CDKAL1: variants seen among roughly 807,000 people sequenced by gnomAD.
CDKAL1 encodes the protein CDKAL1 threonylcarbamoyladenosine tRNA methylthiotransferase.
A neutral mutation model predicts 68.2 loss-of-function variants in CDKAL1; 32 were observed. The observed-to-expected ratio is 0.47, with a 90% CI of 0.35 to 0.63. CDKAL1 has a LOEUF of 0.63. Among genes scored for constraint, CDKAL1 ranks in the 30% least tolerant of loss-of-function variants. The pLI is 0.00. For missense variants in CDKAL1, 606 were observed against 696.7 expected, an observed-to-expected ratio of 0.87 and a Z score of 1.47; for synonymous variants, 234 against 244.3, an observed-to-expected ratio of 0.96 and a Z score of 0.39.
chr6:20,928,701 T>C (rs1763289787), intron 9 of CDKAL1, among the ~76,000 whole-genome samples: 1 of 150,530 alleles, frequency 6.6e-6, no homozygotes, highest in Non-Finnish European at 1.5e-5. Flanking sequence ...TTTTTTTTTT[T>C]TTTTCATTTT....
intron 11 of CDKAL1, among the ~76,000 whole-genome samples, chr6:21,047,600 A>G (rs1319176789): frequency 2.0e-5 from 3 of 152,198 alleles, no homozygotes; most frequent in East Asian, 3.9e-4. Context: ...TCAACTGTCT[A>G]TGTGGCTGTT....
At chr6:21,222,909 C>T (rs2328574) in intron 15 of CDKAL1, among the ~76,000 whole-genome samples, 45,931 of 151,906 alleles carry the variant, frequency 0.3, 7,413 homozygotes, top group East Asian at 0.5. Flanking sequence ...CATTTTGCAA[C>T]GTGTTCTCAT....
In CDKAL1 at chr6:20,715,787, T is replaced by G. The variant is rs575677323; in HGVS notation, c.372-23732T>G. On this transcript the variant is annotated intron_variant, in intron 5 of 15. Coordinates refer to ENST00000274695, the MANE Select transcript of CDKAL1 (RefSeq NM_017774.3). ...AAAATATATTTAAAATATTCTTATTTTTCCTAGTCAGTATTTCCTGACTTT... is the reference window on the plus strand; with the variant it reads ...AAAATATATTTAAAATATTCTTATTGTTCCTAGTCAGTATTTCCTGACTTT... Among the ~76,000 whole-genome samples, 32 of 152,366 alleles carry G rather than the reference T, an allele frequency of 2.1e-4. No individual in the cohort carries two copies. In the South Asian group the frequency reaches 5.6e-3, roughly 27 times the overall value.
intron 4 of CDKAL1, among the ~76,000 whole-genome samples, chr6:20,634,854 G>T: frequency 6.6e-6 from 1 of 152,008 alleles, no homozygotes; most frequent in Admixed American, 6.6e-5. Context: ...GCTCATGCCT[G>T]TAATCCCAGC....
At chr6:20,555,780 G>A (rs9465806) in intron 4 of CDKAL1, among the ~76,000 whole-genome samples, 5,115 of 151,306 alleles carry the variant, frequency 0.034, 276 homozygotes, top group African/African-American at 0.12. Context: ...CCGCCACCAC[G>A]CCCGGCTAAT....
In CDKAL1 at chr6:21,122,792, T is replaced by C. The variant is rs538246913; in HGVS notation, c.1299+14329T>C. On this transcript the variant is annotated intron_variant, in intron 13 of 15. Coordinates refer to ENST00000274695, the MANE Select transcript of CDKAL1 (RefSeq NM_017774.3). ...GCTAGGATACAGGCACACACTACCA[T>C]CCCCAGTTAGGTTTTTTTTTTTTTT... 2.8e-5 allele frequency among the ~76,000 whole-genome samples: 4 copies of C among 141,772 alleles called. No homozygotes were observed. The East Asian group carries it at 8.7e-4, about 31-fold the overall frequency. 93.0% of individuals were successfully genotyped at this position (141,772 alleles called of 152,430 possible).
intron 13 of CDKAL1, among the ~76,000 whole-genome samples, chr6:21,154,202 A>G (rs1030784152): frequency 6.6e-6 from 1 of 152,226 alleles, no homozygotes; most frequent in Non-Finnish European, 1.5e-5. Flanking sequence ...AATGCCACAC[A>G]CATCATCCAT....
At chr6:20,993,572 C>T (rs578093395) in intron 10 of CDKAL1, 1 of 152,248 alleles carries the variant, frequency 6.6e-6, no homozygotes, top group African/African-American at 2.4e-5. Flanking sequence ...CAAGCACATA[C>T]TGAGTGATTT....
intron 9 of CDKAL1, among the ~76,000 whole-genome samples, chr6:20,857,825 A>C (rs1461303954): frequency 2.0e-5 from 3 of 152,130 alleles, no homozygotes; most frequent in Non-Finnish European, 4.4e-5. Context: ...CCCCAGCTCC[A>C]TTCCTCCCAC....
intron 13 of CDKAL1, among the ~76,000 whole-genome samples, chr6:21,192,739 T>C (rs557470290): frequency 6.6e-6 from 1 of 151,998 alleles, no homozygotes; most frequent in Non-Finnish European, 1.5e-5. Flanking sequence ...ATAAACTATA[T>C]GCCTATAAAC....
intron 5 of CDKAL1, among the ~76,000 whole-genome samples, chr6:20,719,882 T>C (rs915464052): frequency 5.3e-5 from 8 of 152,212 alleles, no homozygotes; most frequent in African/African-American, 1.9e-4. Flanking sequence ...TTTCCCCTGC[T>C]TGTGCTTAGA....
chr6:20,721,745 T>TTTTTTG (rs1772380440), intron 5 of CDKAL1, among the ~76,000 whole-genome samples: 1 of 142,018 alleles, frequency 7.0e-6, no homozygotes, highest in African/African-American at 2.7e-5. Context: ...TTTTTTTTTT[T>TTTTTTG]TTTTTGAGAC....
intron 9 of CDKAL1, among the ~76,000 whole-genome samples, chr6:20,898,630 T>C (rs997483596): frequency 1.3e-5 from 2 of 152,048 alleles, no homozygotes; most frequent in Non-Finnish European, 2.9e-5. Context: ...TCCTTCTAAA[T>C]TCTATGGATT....
At chr6:20,999,812 C>T (rs1287231198) in intron 10 of CDKAL1, among the ~76,000 whole-genome samples, 2 of 151,582 alleles carry the variant, frequency 1.3e-5, no homozygotes, top group African/African-American at 4.8e-5. Flanking sequence ...TTCTGTATTC[C>T]AGTATAGGGG....
At chr6:20,859,391 A>T (rs913193540) in intron 9 of CDKAL1, among the ~76,000 whole-genome samples, 3 of 152,162 alleles carry the variant, frequency 2.0e-5, no homozygotes, top group African/African-American at 7.2e-5. Flanking sequence ...GCCTGACTCT[A>T]TGGTCTTAAC....
chr6:21,134,041 G>A (rs1775455371), intron 13 of CDKAL1, among the ~76,000 whole-genome samples: 1 of 152,142 alleles, frequency 6.6e-6, no homozygotes, highest in Non-Finnish European at 1.5e-5. Flanking sequence ...ATCAAATGTA[G>A]GTCATCCATT....
Position 20,600,757 on chromosome 6 carries a change from G to GAT in CDKAL1, c.287-48529_287-48528dup, listed in dbSNP as rs1281339260. Among the ~76,000 whole-genome samples the GAT allele has an allele frequency of 1.0e-4, 8 of 76,912 alleles. No individual in the cohort carries two copies. In the East Asian group the frequency reaches 2.2e-3, roughly 22 times the overall value. The allele number at this position is 76,912 out of a possible 152,430, so 50.5% of individuals were successfully genotyped here. Reference sequence around the variant, plus strand: ...TTTAAAAAACCTGGATGGAGAGAGAGATATATATGTATACATATATATATA... The same window carrying GAT: ...TTTAAAAAACCTGGATGGAGAGAGAGATATATATATGTATACATATATATATA... On this transcript the variant is annotated intron_variant, in intron 4 of 15. Transcript: ENST00000274695.
At chr6:20,753,317 A>G (rs1774011132) in intron 6 of CDKAL1, among the ~76,000 whole-genome samples, 1 of 143,102 alleles carries the variant, frequency 7.0e-6, no homozygotes, top group African/African-American at 2.6e-5. Flanking sequence ...ATTCCCTTTT[A>G]TGGATTAGTA....
intron 5 of CDKAL1, among the ~76,000 whole-genome samples, chr6:20,678,252 G>C (rs980307813): frequency 2.0e-5 from 3 of 152,096 alleles, no homozygotes; most frequent in Admixed American, 2.0e-4. Flanking sequence ...TAATTTTATT[G>C]TCAGTTGTGT....
Sources: allele counts gnomAD v4.1 joint callset (sites outside exome capture counted in the v4.1 genomes callset), GRCh38; gene constraint gnomAD v4.1.1; transcripts MANE v1.5; gene names NCBI Gene and HGNC (gene_info 2026-07-23, HGNC 2026-07-21).